Variants in PTGES3L observed in about 807,000 individuals in gnomAD.
PTGES3L encodes the protein putative protein PTGES3L.
PTGES3L carries 17 observed loss-of-function variants against 25.0 expected under a neutral mutation model. That is an observed-to-expected ratio of 0.68 (90% CI 0.47 to 1.02). The LOEUF is 1.02. Ranked by LOEUF, PTGES3L falls within the 50% of genes least tolerant of loss-of-function variation. The pLI is 0.00. For missense variants in PTGES3L, 202 were observed against 197.5 expected, an observed-to-expected ratio of 1.02 and a Z score of -0.14; for synonymous variants, 59 against 65.7, an observed-to-expected ratio of 0.90 and a Z score of 0.50.
intron 4 of PTGES3L, among the ~76,000 whole-genome samples, chr17:42,978,798 C>T (rs535954814): frequency 3.3e-5 from 5 of 152,194 alleles, no homozygotes; most frequent in African/African-American, 9.6e-5. Context: ...GTCGGGAGTT[C>T]GAGACCAGCC....
At chr17:42,975,996 T>A (rs888350791) in intron 4 of PTGES3L, among the ~76,000 whole-genome samples, 2 of 151,518 alleles carry the variant, frequency 1.3e-5, no homozygotes, top group African/African-American at 2.4e-5. Context: ...TTATTTATTT[T>A]TTTTGAAATG....
Position 42,968,872 on chromosome 17 carries a change from G to T in PTGES3L, c.*276C>A. The T allele has an allele frequency of 2.4e-6, 1 of 415,684 alleles. No homozygotes were observed. Among genetic ancestry groups the T allele is most frequent in the Admixed American group, 3.8e-5 (1 of 26,166 alleles). 25.7% of individuals were successfully genotyped at this position (415,684 alleles called of 1,614,324 possible). On this transcript the variant is annotated 3_prime_UTR_variant, in exon 7 of 7. Coordinates refer to ENST00000591916, the MANE Select transcript of PTGES3L (RefSeq NM_001261430.2). ...CACACACATACTCAAATAATCAAGT[G>T]GCCTAAACACAGAGATTAGAAACCA...
chr17:42,977,717 G>A (rs1167155248), intron 4 of PTGES3L, among the ~76,000 whole-genome samples: 1 of 143,808 alleles, frequency 7.0e-6, no homozygotes, highest in Non-Finnish European at 1.5e-5. Flanking sequence ...AGAAAGAAAA[G>A]AAAGAATAAG....
intron 4 of PTGES3L, among the ~76,000 whole-genome samples, chr17:42,973,984 T>A: frequency 1.2e-5 from 1 of 84,382 alleles, no homozygotes; most frequent in Non-Finnish European, 2.5e-5. Context: ...ACCCAAGAAT[T>A]ATCAATAAAA....
chr17:42,975,576 A>C (rs569167521), intron 4 of PTGES3L, among the ~76,000 whole-genome samples: 1 of 152,172 alleles, frequency 6.6e-6, no homozygotes, highest in Non-Finnish European at 1.5e-5. Context: ...TCAGGGAGGT[A>C]ATGAAAAGGA....
At chr17:42,971,878 A>G (rs747704198) in intron 4 of PTGES3L, 182 bp from the exon 5 acceptor site, 4 of 585,706 alleles carry the variant, frequency 6.8e-6, no homozygotes, top group Non-Finnish European at 1.2e-5. Context: ...GGCATGATAG[A>G]GTCTGAAAAT....
At chr17:42,974,798 G>A (rs1567724031) in intron 4 of PTGES3L, among the ~76,000 whole-genome samples, 2 of 148,594 alleles carry the variant, frequency 1.3e-5, no homozygotes, top group African/African-American at 5.0e-5. Flanking sequence ...AAAATTTATT[G>A]AACACATACT....
chr17:42,979,948 C>T, intron 1 of PTGES3L, 98 bp downstream of exon 1: 1 of 1,461,806 alleles, frequency 6.8e-7, no homozygotes, highest in Non-Finnish European at 9.0e-7. Flanking sequence ...TCCGGGGCTC[C>T]CGTGGGGCCT....
chr17:42,975,156 AG>A (rs397712961), intron 4 of PTGES3L, among the ~76,000 whole-genome samples: 15 of 149,966 alleles, frequency 1.0e-4, no homozygotes, highest in African/African-American at 3.2e-4. Flanking sequence ...AAAAAAAAAA[AG>A]GTCAACACAC....
intron 4 of PTGES3L, among the ~76,000 whole-genome samples, chr17:42,972,653 G>A (rs1002349528): frequency 5.9e-5 from 9 of 152,252 alleles, no homozygotes; most frequent in Admixed American, 1.3e-4. Context: ...GAGTGCAGTG[G>A]CATGATCTCG....
chr17:42,977,121 T>C (rs1302385644), intron 4 of PTGES3L, among the ~76,000 whole-genome samples: 2 of 151,680 alleles, frequency 1.3e-5, no homozygotes, highest in African/African-American at 4.8e-5. Context: ...CAAAACCCCA[T>C]CTCTACTAAA....
chr17:42,979,860 C>T (rs1467798382), intron 1 of PTGES3L, 186 bp downstream of exon 1: 1 of 1,443,366 alleles, frequency 6.9e-7, no homozygotes, highest in Non-Finnish European at 9.1e-7. Context: ...ATAGAACGTG[C>T]AAGACTAGGA....
At chr17:42,972,752 G>T (rs9944496) in intron 4 of PTGES3L, among the ~76,000 whole-genome samples, 6,958 of 151,516 alleles carry the variant, frequency 0.046, 514 homozygotes, top group African/African-American at 0.16. Flanking sequence ...ACCCCGTCTG[G>T]GAAGTGAGGA....
intron 4 of PTGES3L, among the ~76,000 whole-genome samples, chr17:42,972,847 G>A (rs1361646545): frequency 6.7e-6 from 1 of 148,832 alleles, no homozygotes; most frequent in African/African-American, 2.5e-5. Context: ...GAGCGTCTCC[G>A]CCCGGCCGCC....
At chr17:42,974,309 G>A (rs1469500142) in intron 4 of PTGES3L, among the ~76,000 whole-genome samples, 2 of 149,394 alleles carry the variant, frequency 1.3e-5, no homozygotes, top group Non-Finnish European at 3.0e-5. Flanking sequence ...GCAGTAAGCT[G>A]AGATCGCGCC....
chr17:42,969,161 G>T lies in PTGES3L; in HGVS notation c.458C>A (p.Ala153Glu), dbSNP rs140102707. Residue 153 changes from alanine (A) to glutamate (E), a missense_variant, in exon 7 of 7, where the codon GCA (alanine) becomes GAA (glutamate). Physicochemically the swap from Ala to Glu is moderately radical, Grantham distance 107. Transcript: ENST00000591916. The stretch of plus-strand genomic sequence containing the variant: ...CGTCACAGAAAGTTAATTACTTGTT[G>T]CATCATCAGCACTGTCAGAATCATC... ...LDDDSDSADD[A>E]TSN 941 of 1,529,946 alleles carry T rather than the reference G, an allele frequency of 6.2e-4. 10 individuals are homozygous for T. The African/African-American group carries it at 0.012, about 19-fold the overall frequency. The allele number at this position is 1,529,946 out of a possible 1,614,324, so 94.8% of individuals were successfully genotyped here. A position where few individuals can be genotyped will look rare whatever the true frequency, so the allele number is the denominator to read the frequency against.
intron 4 of PTGES3L, among the ~76,000 whole-genome samples, chr17:42,977,621 A>G (rs1322113729): frequency 3.9e-5 from 2 of 50,652 alleles, no homozygotes; most frequent in Non-Finnish European, 1.2e-4. Context: ...AAAAAAAAGA[A>G]AAGAAGAAAA....
At chr17:42,979,480 C>T (rs780092461) in intron 2 of PTGES3L, 36 bp from the exon 3 acceptor site, 9 of 1,614,174 alleles carry the variant, frequency 5.6e-6, no homozygotes, top group Non-Finnish European at 7.6e-6. Context: ...ATGCGGAATA[C>T]TCCGTGTGGG....
chr17:42,979,509 G>A (rs543033324), intron 2 of PTGES3L, 41 bp downstream of exon 2: 78 of 1,614,046 alleles, frequency 4.8e-5, no homozygotes, highest in Non-Finnish European at 6.4e-5. Flanking sequence ...GAAAGGGGTA[G>A]ATTCCTGGGA....
Sources: allele counts gnomAD v4.1 joint callset (sites outside exome capture counted in the v4.1 genomes callset), GRCh38; gene constraint gnomAD v4.1.1; transcripts MANE v1.5; gene names NCBI Gene and HGNC (gene_info 2026-07-23, HGNC 2026-07-21).